Variants in DAPP1 observed in about 807,000 individuals in gnomAD.
DAPP1 encodes the protein dual adapter for phosphotyrosine and 3-phosphotyrosine and 3-phosphoinositide.
A neutral mutation model predicts 41.5 loss-of-function variants in DAPP1; 20 were observed. The ratio of observed to expected loss-of-function variants is 0.48; its 90% CI spans 0.34 to 0.70. The LOEUF is 0.70. DAPP1 is among the 30% of genes least tolerant of loss of function. The pLI is 0.01. For missense variants in DAPP1, 233 were observed against 333.4 expected (o/e 0.70, Z 2.35); for synonymous variants, 113 against 116.2 (o/e 0.97, Z 0.18).
downstream of DAPP1, among the ~76,000 whole-genome samples, chr4:99,871,081 C>A (rs1724617406): frequency 6.6e-6 from 1 of 152,066 alleles, no homozygotes; most frequent in African/African-American, 2.4e-5. Context: ...CCTTCTTTTC[C>A]CAACCACATG....
Position 99,853,276 on chromosome 4 carries a change from T to C in DAPP1, c.417T>C (p.Tyr139=). The change falls in exon 4 of 9, where the codon TAT becomes TAC. Residue 139 remains tyrosine, a synonymous_variant. Coordinates refer to ENST00000512369, the MANE Select transcript of DAPP1 (RefSeq NM_014395.3). ...YPRKVEEPSI[Y]ESVRVHTAMQ... Reference sequence around the variant, plus strand: ...GAAAAGTGGAAGAACCCTCCATTTATGAATCTGTCCGGGTTCACACAGCAA... The same window carrying C: ...GAAAAGTGGAAGAACCCTCCATTTACGAATCTGTCCGGGTTCACACAGCAA... The C allele has an allele frequency of 1.2e-6, 2 of 1,613,832 alleles. No homozygotes were observed. The highest frequency in any genetic ancestry group is 1.6e-4 in the Middle Eastern group (1 of 6,062).
chr4:99,857,679 A>C (rs1724091817), intron 4 of DAPP1, among the ~76,000 whole-genome samples: 1 of 150,476 alleles, frequency 6.6e-6, no homozygotes, highest in Non-Finnish European at 1.5e-5. Flanking sequence ...TTACTTGAAA[A>C]AAAAAAGTAT....
rs1452572600 is a variant in DAPP1 at position 99,827,565 on chromosome 4, A to AC, written c.102-8057dup. ...AAACAACAAAAAAACAAAACAAAAA[A>AC]CACCATCACACTTATAAGTGCAGAT... On this transcript the variant is annotated intron_variant, in intron 1 of 8. Transcript: ENST00000512369. Among the ~76,000 whole-genome samples the AC allele has an allele frequency of 3.3e-5, 5 of 151,714 alleles. 2 individuals are homozygous for AC. The highest frequency in any genetic ancestry group is 1.2e-4 in the African/African-American group (5 of 41,330).
At chr4:99,857,036 T>C (rs1378383187) in intron 4 of DAPP1, among the ~76,000 whole-genome samples, 4 of 152,224 alleles carry the variant, frequency 2.6e-5, no homozygotes, top group African/African-American at 7.2e-5. Flanking sequence ...AATGCCTTGC[T>C]CATAAGACAT....
downstream of DAPP1, among the ~76,000 whole-genome samples, chr4:99,870,638 T>C (rs957439252): frequency 5.3e-5 from 8 of 152,250 alleles, no homozygotes; most frequent in African/African-American, 1.9e-4. Context: ...GGGAGGATGT[T>C]TTGTGCCAAC....
intron 4 of DAPP1, among the ~76,000 whole-genome samples, chr4:99,853,894 T>C (rs1723955130): frequency 6.6e-6 from 1 of 152,242 alleles, no homozygotes; most frequent in Non-Finnish European, 1.5e-5. Flanking sequence ...ATCTCTGTCC[T>C]TAGTTAACCA....
Position 99,835,761 on chromosome 4 carries a change from G to A in DAPP1, c.224+16G>A. The A allele has an allele frequency of 6.2e-7, 1 of 1,611,430 alleles. No homozygotes were observed. Among genetic ancestry groups the A allele is most frequent in the Non-Finnish European group, 8.5e-7 (1 of 1,179,004 alleles). ...TCTCTGTGAGGTAAGGTGCTTCAGGGCTCTACGACTTCAGCATGGGCTCCT... is the reference window on the plus strand; with the variant it reads ...TCTCTGTGAGGTAAGGTGCTTCAGGACTCTACGACTTCAGCATGGGCTCCT... On this transcript the variant is annotated intron_variant, in intron 2 of 8. Coordinates refer to ENST00000512369, the MANE Select transcript of DAPP1 (RefSeq NM_014395.3).
chr4:99,836,969 T>C (rs1318526873), intron 2 of DAPP1, among the ~76,000 whole-genome samples: 1 of 152,126 alleles, frequency 6.6e-6, no homozygotes, highest in African/African-American at 2.4e-5. Context: ...AGAACTGAGG[T>C]CCTCCTTTTC....
At chr4:99,863,945 T>C (rs1426611723) in intron 7 of DAPP1, 90 bp downstream of exon 7, 1 of 849,300 alleles carries the variant, frequency 1.2e-6, no homozygotes, top group African/African-American at 1.8e-5. Context: ...TATCTTAATG[T>C]CTACAAAGAT....
rs1023589979 is a variant in DAPP1 at position 99,869,574 on chromosome 4, A to T, written c.*1389A>T. On this transcript the variant is annotated 3_prime_UTR_variant, in exon 9 of 9. Coordinates refer to ENST00000512369, the MANE Select transcript of DAPP1 (RefSeq NM_014395.3). ...AACAACATTTTAAATGTATTTTGTT[A>T]TGTTTGTATTATATAGGATAAAGCA... 7 of 152,218 alleles carry T rather than the reference A, an allele frequency of 4.6e-5. No homozygotes were observed. Among genetic ancestry groups the T allele is most frequent in the Admixed American group, 4.6e-4 (7 of 15,280 alleles). The allele number at this position is 152,218 out of a possible 1,614,324, so 9.4% of individuals were successfully genotyped here.
chr4:99,823,784 G>C (rs1014628458), intron 1 of DAPP1, among the ~76,000 whole-genome samples: 1 of 152,208 alleles, frequency 6.6e-6, no homozygotes, highest in African/African-American at 2.4e-5. Flanking sequence ...CCAAGATAGT[G>C]GGTTAGTGAG....
intron 3 of DAPP1, among the ~76,000 whole-genome samples, chr4:99,849,121 G>A (rs1723769623): frequency 6.6e-6 from 1 of 152,104 alleles, no homozygotes; most frequent in Non-Finnish European, 1.5e-5. Flanking sequence ...CCTCATTTGT[G>A]GGGTTACTAG....
At chr4:99,866,514 A>G (rs28705829) in intron 8 of DAPP1, 67,867 of 762,528 alleles carry the variant, frequency 0.089, 3,939 homozygotes, top group East Asian at 0.25. Context: ...AGTTTGCCAG[A>G]GGCACTTAGC....
intron 3 of DAPP1, among the ~76,000 whole-genome samples, chr4:99,846,958 G>T (rs1289977889): frequency 6.6e-6 from 1 of 152,198 alleles, no homozygotes; most frequent in Non-Finnish European, 1.5e-5. Flanking sequence ...CCAACCCCAA[G>T]AAATCTACTT....
At chr4:99,865,930 A>AT (rs1303704874) in intron 7 of DAPP1, 104 bp from the exon 8 acceptor site, 15,817 of 82,812 alleles carry the variant, frequency 0.19, 1,946 homozygotes, top group African/African-American at 0.25. Flanking sequence ...TATATAATAT[A>AT]TATAATATAT....
intron 4 of DAPP1, among the ~76,000 whole-genome samples, chr4:99,854,019 A>G (rs1287408081): frequency 2.6e-5 from 4 of 152,208 alleles, no homozygotes; most frequent in African/African-American, 4.8e-5. Flanking sequence ...TATTTCAACT[A>G]TCTATGGAAG....
downstream of DAPP1, among the ~76,000 whole-genome samples, chr4:99,872,065 T>A (rs953116916): frequency 6.6e-6 from 1 of 152,212 alleles, no homozygotes; most frequent in Non-Finnish European, 1.5e-5. Flanking sequence ...GCAGATGCCA[T>A]ATAGTTTCAG....
chr4:99,830,514 T>C (rs1199268995), intron 1 of DAPP1, among the ~76,000 whole-genome samples: 1 of 152,192 alleles, frequency 6.6e-6, no homozygotes, highest in Non-Finnish European at 1.5e-5. Flanking sequence ...CAAGGAACTG[T>C]CAGTATTCAG....
At chr4:99,824,521 C>A (rs1281212616) in intron 1 of DAPP1, among the ~76,000 whole-genome samples, 1 of 152,166 alleles carries the variant, frequency 6.6e-6, no homozygotes, top group Non-Finnish European at 1.5e-5. Context: ...AAACAAGAAT[C>A]TGCCTGTATT....
Sources: gnomAD v4.1 joint callset for allele counts (sites outside exome capture counted in the v4.1 genomes callset) on GRCh38, gnomAD v4.1.1 for gene constraint, MANE v1.5 for transcripts, NCBI Gene and HGNC (gene_info 2026-07-23, HGNC 2026-07-21) for gene names.